Variants in CLVS1 observed in about 807,000 individuals in gnomAD.
CLVS1 encodes the protein clavesin 1.
Under a neutral mutation model 33.1 loss-of-function variants are expected in CLVS1, and 10 were observed. The observed-to-expected ratio is 0.30, with a 90% CI of 0.19 to 0.51. The LOEUF is 0.51. Among genes scored for constraint, CLVS1 ranks in the 20% least tolerant of loss-of-function variants. The probability of loss-of-function intolerance (pLI) is 0.97; values close to 1 mark genes in which losing one functional copy is unlikely to be tolerated. For synonymous variants in CLVS1, 163 were observed against 166.1 expected, an observed-to-expected ratio of 0.98 and a Z score of 0.14; for missense variants, 343 against 433.4, an observed-to-expected ratio of 0.79 and a Z score of 1.85.
At chr8:60,990,880 T>G in the CLVS1 span, among the ~76,000 whole-genome samples, 1 of 152,094 alleles carries the variant, frequency 6.6e-6, no homozygotes, top group Non-Finnish European at 1.5e-5. Context: ...GGCTAATTTA[T>G]TTTTGCATTT....
intron 2 of CLVS1, among the ~76,000 whole-genome samples, chr8:61,174,869 C>CTCCAT: frequency 6.6e-6 from 1 of 152,198 alleles, no homozygotes; most frequent in Non-Finnish European, 1.5e-5. Context: ...CTTATCATTA[C>CTCCAT]TCTATTCTAT....
chr8:61,202,503 T>C, intron 2 of CLVS1: 2 of 968,908 alleles, frequency 2.1e-6, no homozygotes, highest in Non-Finnish European at 3.3e-6. Context: ...GTTTAGGGGC[T>C]GGTGCAAAGG....
chr8:61,045,144 C>T, the CLVS1 span, among the ~76,000 whole-genome samples: 2 of 152,212 alleles, frequency 1.3e-5, no homozygotes, highest in African/African-American at 4.8e-5. Context: ...TAAACTACTG[C>T]TGCTGCTAAA....
chr8:61,299,939 G>T lies in CLVS1; in HGVS notation c.112G>T (p.Ala38Ser). ...AGLSPETIEK[A>S]RLELNENPDV... is the part of the protein sequence containing the mutation. ...ACTCAGTCCAGAGACTATAGAGAAA[G>T]CTCGCCTGGAACTGAATGAAAACCC... Residue 38 changes from alanine (A) to serine (S), a missense_variant, in exon 2 of 6, where the codon GCT becomes TCT. Physicochemically the swap from Ala to Ser is moderately conservative, Grantham distance 99. Transcript: ENST00000325897. The T allele has an allele frequency of 6.2e-7, 1 of 1,613,990 alleles. No individual in the cohort carries two copies. Among genetic ancestry groups the T allele is most frequent in the Middle Eastern group, 1.7e-4 (1 of 6,058 alleles).
upstream of CLVS1, among the ~76,000 whole-genome samples, chr8:61,054,764 G>A (rs772040862): frequency 6.6e-6 from 1 of 151,856 alleles, no homozygotes; most frequent in Non-Finnish European, 1.5e-5. Flanking sequence ...CCTATACCTG[G>A]GCAAATAAAT....
chr8:60,984,815 C>T, the CLVS1 span, among the ~76,000 whole-genome samples: 11 of 152,122 alleles, frequency 7.2e-5, no homozygotes, highest in Admixed American at 7.2e-4. Context: ...ATGGTGGCTT[C>T]AGAAGTTAAA....
At chr8:61,363,019 C>T (rs544328599) in intron 2 of CLVS1, among the ~76,000 whole-genome samples, 4 of 152,086 alleles carry the variant, frequency 2.6e-5, no homozygotes, top group South Asian at 4.1e-4. Context: ...AGATAGGTAA[C>T]GGGTCATCAA....
intron 2 of CLVS1, among the ~76,000 whole-genome samples, chr8:61,276,193 A>G (rs1212762788): frequency 1.3e-5 from 2 of 152,208 alleles, no homozygotes; most frequent in East Asian, 1.9e-4. Context: ...CCAGATTGGT[A>G]ATTAGAAAAC....
At chr8:61,148,514 T>G (rs921683345) in intron 2 of CLVS1, among the ~76,000 whole-genome samples, 1 of 152,218 alleles carries the variant, frequency 6.6e-6, no homozygotes, top group Non-Finnish European at 1.5e-5. Context: ...GTGATGAGGT[T>G]TTGCGGTAGC....
At chr8:61,127,095 CTG>C (rs1805989392) in intron 1 of CLVS1, among the ~76,000 whole-genome samples, 2 of 152,246 alleles carry the variant, frequency 1.3e-5, no homozygotes, top group East Asian at 1.9e-4. Flanking sequence ...GAGTTAGTAA[CTG>C]TGCTGGGTAA....
At chr8:61,021,430 A>T in the CLVS1 span, among the ~76,000 whole-genome samples, 42 of 152,144 alleles carry the variant, frequency 2.8e-4, no homozygotes, top group Non-Finnish European at 5.3e-4. Context: ...AGTTTACTGC[A>T]ACCTCCACCT....
chr8:61,338,964 C>CTGTGTGTGTGTGTGTG (rs10608173), intron 2 of CLVS1, among the ~76,000 whole-genome samples: 1 of 148,520 alleles, frequency 6.7e-6, no homozygotes, highest in Non-Finnish European at 1.5e-5. Context: ...AAAGGGAACA[C>CTGTGTGTGTGTGTGTG]TGTGTGTGTG....
chr8:61,150,673 G>A (rs192061810), intron 2 of CLVS1, among the ~76,000 whole-genome samples: 158 of 152,330 alleles, frequency 1.0e-3, no homozygotes, highest in African/African-American at 3.7e-3. Context: ...CCCAGCTGGT[G>A]TGTGCATGTG....
chr8:61,344,342 C>T (rs909161777), intron 2 of CLVS1, among the ~76,000 whole-genome samples: 17 of 152,178 alleles, frequency 1.1e-4, no homozygotes, highest in Non-Finnish European at 2.4e-4. Context: ...CCACCGCACT[C>T]GGCCTAGAGC....
intron 3 of CLVS1, among the ~76,000 whole-genome samples, chr8:61,446,740 G>C (rs922213485): frequency 2.0e-5 from 3 of 151,904 alleles, no homozygotes; most frequent in Admixed American, 2.0e-4. Flanking sequence ...GTTTCAACAT[G>C]AGTTTCAAGG....
intron 3 of CLVS1, among the ~76,000 whole-genome samples, chr8:61,426,420 G>A (rs1178824460): frequency 6.6e-6 from 1 of 152,198 alleles, no homozygotes; most frequent in Non-Finnish European, 1.5e-5. Flanking sequence ...TAGATAGCTT[G>A]TGTCAGATGT....
intron 2 of CLVS1, among the ~76,000 whole-genome samples, chr8:61,195,509 C>T (rs1464138263): frequency 3.3e-5 from 5 of 150,926 alleles, no homozygotes; most frequent in Admixed American, 3.3e-4. Flanking sequence ...TTTTTTTTTC[C>T]CTATGATGTG....
intron 5 of CLVS1, among the ~76,000 whole-genome samples, chr8:61,498,602 T>C (rs10111010): frequency 0.26 from 39,737 of 152,098 alleles, 7,057 homozygotes; most frequent in African/African-American, 0.48. Flanking sequence ...TCATTATTAC[T>C]CCAGTATAAA....
chr8:60,968,979 C>G, the CLVS1 span, among the ~76,000 whole-genome samples: 1 of 151,592 alleles, frequency 6.6e-6, no homozygotes, highest in African/African-American at 2.4e-5. Flanking sequence ...CAAAGGGGGT[C>G]CTAATGCATG....
Sources: allele counts gnomAD v4.1 joint callset (sites outside exome capture counted in the v4.1 genomes callset), GRCh38; gene constraint gnomAD v4.1.1; transcripts MANE v1.5; gene names NCBI Gene and HGNC (gene_info 2026-07-23, HGNC 2026-07-21).